ZBBX: variants seen among roughly 807,000 people sequenced by gnomAD.
ZBBX encodes zinc finger B-box domain-containing protein 1.
In ZBBX, 101 loss-of-function variants were observed where a neutral mutation model predicts 108.5. The ratio of observed to expected loss-of-function variants is 0.93; its 90% CI spans 0.79 to 1.10. The LOEUF is 1.10. Ranked by LOEUF, ZBBX falls within the 50% of genes least tolerant of loss-of-function variation. The pLI is 0.00. For missense variants in ZBBX, 1,009 were observed against 941.4 expected, an observed-to-expected ratio of 1.07 and a Z score of -0.94; for synonymous variants, 356 against 323.4, an observed-to-expected ratio of 1.10 and a Z score of -1.08.
chr3:167,391,872 GTAAA>G (rs1047768894), intron 1 of ZBBX, among the ~76,000 whole-genome samples: 5 of 151,474 alleles, frequency 3.3e-5, no homozygotes, highest in Non-Finnish European at 5.9e-5. Context: ...GATAAATCAA[GTAAA>G]TATATATATA....
At chr3:167,336,134 A>G (rs1739507675) in intron 9 of ZBBX, among the ~76,000 whole-genome samples, 1 of 152,060 alleles carries the variant, frequency 6.6e-6, no homozygotes, top group South Asian at 2.1e-4. Flanking sequence ...TTATCATTCA[A>G]ATATATGTTT....
Position 167,280,247 on chromosome 3 carries a change from C to T in ZBBX, c.2254+1991G>A, listed in dbSNP as rs548230231. ...GGCAACAACAGCCAAAATTGACAAA[C>T]GGGATCTAATTAAAGTAAACAGCTT... On this transcript the variant is annotated intron_variant, in intron 20 of 21. Coordinates refer to ENST00000675490, the MANE Select transcript of ZBBX (RefSeq NM_001199201.2). 1.4e-3 allele frequency among the ~76,000 whole-genome samples: 218 copies of T among 150,772 alleles called. 1 individual carries two copies. Among genetic ancestry groups the T allele is most frequent in the Middle Eastern group, 6.9e-3 (2 of 290 alleles).
intron 21 of ZBBX, among the ~76,000 whole-genome samples, chr3:167,241,343 TC>T (rs1316005154): frequency 6.6e-6 from 1 of 152,200 alleles, no homozygotes; most frequent in African/African-American, 2.4e-5. Flanking sequence ...AGATAGCCAG[TC>T]AAGATATGCT....
In ZBBX at chr3:167,313,846, T is replaced by G. The variant is rs528697922; in HGVS notation, c.1417+128A>C. On this transcript the variant is annotated intron_variant, in intron 16 of 21. Coordinates refer to ENST00000675490, the MANE Select transcript of ZBBX (RefSeq NM_001199201.2). ...TTTACTAGAAAATTATATTTTCAAC[T>G]AATTTTCATTTTAGTACTGAGGTTT... 2.7e-5 allele frequency: 22 copies of G among 814,266 alleles called. No homozygotes were observed. In the South Asian group the frequency reaches 6.7e-4, roughly 25 times the overall value. The allele number at this position is 814,266 out of a possible 1,614,324, so 50.4% of individuals were successfully genotyped here.
chr3:167,224,021 T>A, the ZBBX span, among the ~76,000 whole-genome samples: 1 of 151,932 alleles, frequency 6.6e-6, no homozygotes, highest in Non-Finnish European at 1.5e-5. Context: ...CTCAGGTCGA[T>A]CTGCTTGGCA....
chr3:167,303,634 A>G (rs1004129436), intron 17 of ZBBX, among the ~76,000 whole-genome samples: 1 of 152,154 alleles, frequency 6.6e-6, no homozygotes, highest in Non-Finnish European at 1.5e-5. Flanking sequence ...TTGGTCTTGA[A>G]TGAAAGTTTT....
chr3:167,335,658 A>G (rs1286286964), intron 9 of ZBBX, among the ~76,000 whole-genome samples: 1 of 151,338 alleles, frequency 6.6e-6, no homozygotes. Flanking sequence ...GATAGCTAAC[A>G]TTACATTGAA....
In ZBBX at chr3:167,376,188, T is replaced by C. The variant is rs1261611035; in HGVS notation, c.-131-2401A>G. ...ATAGGAATGGCAAACTAAGATTTGG[T>C]TTGCTTTTTGGGAGGGAGGTGGTAG... On this transcript the variant is annotated intron_variant, in intron 2 of 21. Transcript: ENST00000675490. Among the ~76,000 whole-genome samples, 3 of 152,326 alleles carry C rather than the reference T, an allele frequency of 2.0e-5. No individual in the cohort carries two copies. The East Asian group carries it at 5.8e-4, about 29-fold the overall frequency.
intron 6 of ZBBX, 95 bp from the exon 7 acceptor site, chr3:167,360,818 C>A (rs542135220): frequency 4.8e-6 from 3 of 618,680 alleles, no homozygotes; most frequent in South Asian, 4.1e-5. Flanking sequence ...AGCTTTGGTG[C>A]TTTTCGAACA....
chr3:167,320,450 A>T (rs1736254205), intron 12 of ZBBX, among the ~76,000 whole-genome samples: 1 of 152,010 alleles, frequency 6.6e-6, no homozygotes, highest in African/African-American at 2.4e-5. Flanking sequence ...TTCTTTTAAG[A>T]GGAATTCCAA....
In ZBBX at chr3:167,249,178, G is replaced by C. The variant is rs1415122756; in HGVS notation, c.2255-6535C>G. Among the ~76,000 whole-genome samples, 5 of 152,202 alleles carry C rather than the reference G, an allele frequency of 3.3e-5. No individual in the cohort carries two copies. The East Asian group carries it at 9.7e-4, about 29-fold the overall frequency. ...TGGCCAAATTATGATTTACAGGAAA[G>C]AGTGGCTTGGCCTCAGGAAGGAACC... On this transcript the variant is annotated intron_variant, in intron 20 of 21. Coordinates refer to ENST00000675490, the MANE Select transcript of ZBBX (RefSeq NM_001199201.2).
At chr3:167,394,508 ATTGAC>A (rs1748172099) in intron 1 of ZBBX, among the ~76,000 whole-genome samples, 1 of 151,950 alleles carries the variant, frequency 6.6e-6, no homozygotes, top group South Asian at 2.1e-4. Context: ...GAAAATAACA[ATTGAC>A]TTGATAAAAA....
intron 20 of ZBBX, among the ~76,000 whole-genome samples, chr3:167,268,996 GAGA>G (rs1053143838): frequency 2.0e-5 from 3 of 152,176 alleles, no homozygotes; most frequent in Admixed American, 2.0e-4. Context: ...GGAGCTGGGA[GAGA>G]AGAAGGACAA....
the ZBBX span, among the ~76,000 whole-genome samples, chr3:167,200,736 G>A: frequency 1.3e-5 from 2 of 152,104 alleles, no homozygotes; most frequent in Non-Finnish European, 2.9e-5. Flanking sequence ...TTTCCTCAAA[G>A]AGTCTACAGA....
intron 18 of ZBBX, among the ~76,000 whole-genome samples, chr3:167,294,996 C>T (rs570997703): frequency 2.0e-4 from 30 of 152,258 alleles, no homozygotes; most frequent in South Asian, 4.2e-4. Context: ...AATGAGATAC[C>T]ATCTTACGCC....
intron 18 of ZBBX, 118 bp from the exon 19 acceptor site, chr3:167,289,101 G>A: frequency 2.4e-6 from 1 of 411,280 alleles, no homozygotes; most frequent in Non-Finnish European, 4.1e-6. Flanking sequence ...ATTTACAACA[G>A]TGATATATAT....
chr3:167,181,269 T>C, the ZBBX span, among the ~76,000 whole-genome samples: 22 of 152,282 alleles, frequency 1.4e-4, no homozygotes, highest in African/African-American at 5.3e-4. Flanking sequence ...GGCTGTATAA[T>C]TGCTCTGGAA....
At chr3:167,213,323 G>A in the ZBBX span, among the ~76,000 whole-genome samples, 2 of 152,138 alleles carry the variant, frequency 1.3e-5, no homozygotes, top group African/African-American at 2.4e-5. Context: ...GCTGAAGGAG[G>A]AAATAGCCTG....
intron 20 of ZBBX, among the ~76,000 whole-genome samples, chr3:167,252,616 G>A (rs187868900): frequency 1.3e-4 from 19 of 151,968 alleles, no homozygotes; most frequent in Non-Finnish European, 2.9e-5. Flanking sequence ...CCATGTCTGC[G>A]TTAAGTGTGA....
Sources: gnomAD v4.1 joint callset for allele counts (sites outside exome capture counted in the v4.1 genomes callset) on GRCh38, gnomAD v4.1.1 for gene constraint, MANE v1.5 for transcripts, NCBI Gene and HGNC (gene_info 2026-07-23, HGNC 2026-07-21) for gene names.